MFHAS1: variants seen among roughly 807,000 people sequenced by gnomAD.
MFHAS1 encodes malignant fibrous histiocytoma-amplified sequence 1.
In MFHAS1, 50 loss-of-function variants were observed where a neutral mutation model predicts 70.4. That is an observed-to-expected ratio of 0.71 (90% CI 0.57 to 0.90). The LOEUF (loss-of-function observed/expected upper bound fraction) is 0.90, where lower values mean the gene tolerates loss of function less well. MFHAS1 is among the 40% of genes least tolerant of loss of function. The probability of loss-of-function intolerance (pLI) is 0.00; values close to 1 mark genes in which losing one functional copy is unlikely to be tolerated. For missense variants in MFHAS1, 1,795 were observed against 1,347.6 expected, an observed-to-expected ratio of 1.33 and a Z score of -5.20; for synonymous variants, 952 against 620.0, an observed-to-expected ratio of 1.54 and a Z score of -7.96.
chr8:8,880,300 C>A (rs780373777), intron 1 of MFHAS1, among the ~76,000 whole-genome samples: 3 of 152,228 alleles, frequency 2.0e-5, no homozygotes, highest in Non-Finnish European at 4.4e-5. Flanking sequence ...GTATCTGCCC[C>A]ACCCCTCCAA....
chr8:8,883,466 G>C (rs1006639222), intron 1 of MFHAS1, among the ~76,000 whole-genome samples: 2 of 151,506 alleles, frequency 1.3e-5, no homozygotes, highest in Non-Finnish European at 2.9e-5. Context: ...CCAGCACTTT[G>C]GGCAGCCAAG....
At chr8:8,838,257 G>T (rs1354503468) in intron 1 of MFHAS1, among the ~76,000 whole-genome samples, 1 of 152,190 alleles carries the variant, frequency 6.6e-6, no homozygotes, top group African/African-American at 2.4e-5. Context: ...CTGGCATGAG[G>T]GAGGCCTGGC....
chr8:8,888,086 G>C (rs1809840540), intron 1 of MFHAS1, among the ~76,000 whole-genome samples: 1 of 152,134 alleles, frequency 6.6e-6, no homozygotes, highest in African/African-American at 2.4e-5. Context: ...GAAGTATCTT[G>C]CTTCCATGAA....
At position 8,892,328 on chromosome 8, in the gene MFHAS1, G is replaced by T. The variant is rs765029541; in HGVS notation, c.731C>A (p.Ala244Asp). 1.9e-6 allele frequency: 3 copies of T among 1,611,998 alleles called. No individual in the cohort carries two copies. The highest frequency in any genetic ancestry group is 2.5e-6 in the Non-Finnish European group (3 of 1,179,990). ...CAAACTGGCCAGCTCGCAGAAGCCG[G>T]CGGGCAGCGTGCCAAGCTCGGCCCC... Reference protein sequence around the residue: ...LSGAELGTLPAGFCELASLES... With the variant: ...LSGAELGTLPDGFCELASLES... Residue 244 changes from alanine to aspartate, a missense_variant, in exon 1 of 3, where the codon GCC (alanine) becomes GAC (aspartate). Ala to Asp is a moderately radical substitution (Grantham distance 126). Transcript: ENST00000276282. This position sits in a 1 kb window ranked among gnomAD's most constrained non-coding sequence, Gnocchi z 4.7.
chr8:8,843,046 A>C (rs1052452118), intron 1 of MFHAS1, among the ~76,000 whole-genome samples: 2 of 151,340 alleles, frequency 1.3e-5, no homozygotes, highest in Non-Finnish European at 2.9e-5. Flanking sequence ...CGGGTGGATC[A>C]TGAGGTCAGG....
intron 1 of MFHAS1, among the ~76,000 whole-genome samples, chr8:8,838,227 C>T (rs1226555931): frequency 6.6e-6 from 1 of 152,072 alleles, no homozygotes; most frequent in Non-Finnish European, 1.5e-5. Context: ...GACAAAAAGC[C>T]CATCAGTGGT....
intron 1 of MFHAS1, among the ~76,000 whole-genome samples, chr8:8,810,169 C>G (rs1477614333): frequency 2.6e-5 from 4 of 152,300 alleles, no homozygotes; most frequent in African/African-American, 9.6e-5. Flanking sequence ...AAGTTCGAGA[C>G]CAGCCTGGCC....
chr8:8,849,124 A>G (rs2116868367), intron 1 of MFHAS1, among the ~76,000 whole-genome samples: 2 of 117,118 alleles, frequency 1.7e-5, no homozygotes, highest in South Asian at 5.8e-4. Flanking sequence ...TCTGTTGCCC[A>G]GGCTGAAGAG....
chr8:8,892,685 G>C lies in MFHAS1; in HGVS notation c.374C>G (p.Ala125Gly), dbSNP rs755033985. 147 of 1,581,504 alleles carry C rather than the reference G, an allele frequency of 9.3e-5. 1 individual carries two copies. In the Middle Eastern group the frequency reaches 2.1e-3, roughly 23 times the overall value. ...ELDVSHNRLT[A>G]LGAEVVSALR... ...AGCACTCACCACCTCCGCGCCCAGGGCGGTCAGCCGGTTGTGGCTCACGTC... is the reference window on the plus strand; with the variant it reads ...AGCACTCACCACCTCCGCGCCCAGGCCGGTCAGCCGGTTGTGGCTCACGTC... Residue 125 changes from alanine (A) to glycine (G), a missense_variant, in exon 1 of 3, where the codon GCC becomes GGC. By Grantham distance (60) the Ala-to-Gly change is moderately conservative. Transcript: ENST00000276282. The surrounding 1 kb of genome is among the most constrained non-coding windows in gnomAD (Gnocchi z 4.7).
Position 8,892,837 on chromosome 8 carries a change from G to A in MFHAS1, c.222C>T (p.Gly74=). The A allele has an allele frequency of 1.9e-6, 3 of 1,596,406 alleles. No homozygotes were observed. Among genetic ancestry groups the A allele is most frequent in the Non-Finnish European group, 2.6e-6 (3 of 1,172,040 alleles). Reference sequence around the variant, plus strand: ...CCAGCCCCTCGGGTACCTCCTCCAGGCCGTTGTTCCCCAGGTTCAGTGCCT... The same window carrying A: ...CCAGCCCCTCGGGTACCTCCTCCAGACCGTTGTTCCCCAGGTTCAGTGCCT... The part of the protein sequence containing the change: ...DIEALNLGNN[G]LEEVPEGLGS... The change falls in exon 1 of 3, where the codon GGC becomes GGT. Residue 74 remains glycine, a synonymous_variant. Coordinates refer to ENST00000276282, the MANE Select transcript of MFHAS1 (RefSeq NM_004225.3). The surrounding 1 kb of genome is among the most constrained non-coding windows in gnomAD (Gnocchi z 4.7).
chr8:8,865,633 T>C (rs1449417938), intron 1 of MFHAS1, among the ~76,000 whole-genome samples: 1 of 152,230 alleles, frequency 6.6e-6, no homozygotes, highest in South Asian at 2.1e-4. Flanking sequence ...AGTACAATTG[T>C]ATATCACTCA....
chr8:8,862,462 A>G (rs750774617), intron 1 of MFHAS1, among the ~76,000 whole-genome samples: 24 of 151,894 alleles, frequency 1.6e-4, no homozygotes, highest in Admixed American at 2.0e-4. Context: ...TCATCTTAAC[A>G]GATCTTTTGA....
At chr8:8,792,753 A>G (rs1011773009) in intron 2 of MFHAS1, among the ~76,000 whole-genome samples, 2 of 152,262 alleles carry the variant, frequency 1.3e-5, no homozygotes, top group African/African-American at 4.8e-5. Context: ...TGATGGTTGT[A>G]TAAATACAAC....
intron 1 of MFHAS1, among the ~76,000 whole-genome samples, chr8:8,835,046 A>G (rs943277906): frequency 1.3e-5 from 2 of 152,202 alleles, no homozygotes; most frequent in Non-Finnish European, 2.9e-5. Flanking sequence ...TCTAAACCAG[A>G]CACAAAAAAA....
intron 1 of MFHAS1, among the ~76,000 whole-genome samples, chr8:8,818,587 T>C (rs1325714092): frequency 6.6e-6 from 1 of 152,198 alleles, no homozygotes; most frequent in Non-Finnish European, 1.5e-5. Context: ...AAATGCCAAA[T>C]ATGGACCTTA....
intron 1 of MFHAS1, among the ~76,000 whole-genome samples, chr8:8,871,912 G>C (rs1809089504): frequency 6.6e-6 from 1 of 152,192 alleles, no homozygotes; most frequent in Non-Finnish European, 1.5e-5. Context: ...TTCATCTCTA[G>C]CTACAGCTAA....
At chr8:8,833,908 C>T (rs1459925332) in intron 1 of MFHAS1, among the ~76,000 whole-genome samples, 1 of 152,014 alleles carries the variant, frequency 6.6e-6, no homozygotes, top group Non-Finnish European at 1.5e-5. Flanking sequence ...GGCGGATCAC[C>T]TGAGGACAGG....
rs1413872924 is a variant in MFHAS1, at chr8:8,892,812, C to G, written c.247G>C (p.Gly83Arg). The change falls in exon 1 of 3, where the codon GGG becomes CGG. Residue 83 changes from glycine (G) to arginine (R), a missense_variant. Transcript: ENST00000276282. The surrounding 1 kb of genome is among the most constrained non-coding windows in gnomAD (Gnocchi z 4.7). ...NGLEEVPEGL[G>R]SALGSLRVLV... Reference sequence around the variant, plus strand: ...ACGCGCAGGCTGCCCAGCGCCGACCCCAGCCCCTCGGGTACCTCCTCCAGG... The same window carrying G: ...ACGCGCAGGCTGCCCAGCGCCGACCGCAGCCCCTCGGGTACCTCCTCCAGG... 1.9e-6 allele frequency: 3 copies of G among 1,590,312 alleles called. No individual in the cohort carries two copies. Among genetic ancestry groups the G allele is most frequent in the East Asian group, 2.3e-5 (1 of 43,726 alleles).
intron 1 of MFHAS1, among the ~76,000 whole-genome samples, chr8:8,857,662 A>G (rs1808494243): frequency 6.6e-6 from 1 of 152,016 alleles, no homozygotes; most frequent in African/African-American, 2.4e-5. Context: ...CAGGAGGCTA[A>G]GGCAGGAGAA....
Sources: gnomAD v4.1 joint callset for allele counts (sites outside exome capture counted in the v4.1 genomes callset) on GRCh38, gnomAD v4.1.1 for gene constraint, Gnocchi (gnomAD v3.1) non-coding constraint, MANE v1.5 for transcripts, NCBI Gene and HGNC (gene_info 2026-07-23, HGNC 2026-07-21) for gene names.